DOCK10: variants seen among roughly 807,000 people sequenced by gnomAD.
DOCK10 encodes the protein dedicator of cytokinesis protein 10.
In DOCK10, 145 loss-of-function variants were observed where a neutral mutation model predicts 280.1. The observed-to-expected ratio is 0.52, with a 90% CI of 0.45 to 0.59. The LOEUF (loss-of-function observed/expected upper bound fraction) is 0.59. Ranked by LOEUF, DOCK10 falls within the 20% of genes least tolerant of loss-of-function variation. The pLI is 0.00. For missense variants in DOCK10, 2,368 were observed against 2,651.7 expected, an observed-to-expected ratio of 0.89 and a Z score of 2.35; for synonymous variants, 915 against 942.2, an observed-to-expected ratio of 0.97 and a Z score of 0.53.
intron 27 of DOCK10, among the ~76,000 whole-genome samples, chr2:224,828,863 A>G (rs1014507722): frequency 6.6e-6 from 1 of 152,216 alleles, no homozygotes; most frequent in Admixed American, 6.5e-5. Context: ...GTGGTACATC[A>G]TATTAACAAA....
chr2:224,852,644 G>C (rs571825233), intron 17 of DOCK10, among the ~76,000 whole-genome samples: 20 of 152,270 alleles, frequency 1.3e-4, no homozygotes, highest in African/African-American at 4.6e-4. Flanking sequence ...AGCTCATATT[G>C]AAAGGGGGCA....
intron 1 of DOCK10, among the ~76,000 whole-genome samples, chr2:224,954,313 G>GA (rs113022551): frequency 1.3e-5 from 2 of 151,944 alleles, no homozygotes; most frequent in African/African-American, 2.4e-5. Flanking sequence ...TCCATTTCCA[G>GA]AAAAAAATTA....
chr2:224,799,220 T>C (rs889853536), intron 41 of DOCK10, among the ~76,000 whole-genome samples: 8 of 152,232 alleles, frequency 5.3e-5, no homozygotes, highest in African/African-American at 1.9e-4. Flanking sequence ...TTTGTTCCTA[T>C]AGTTTGCATT....
chr2:224,944,331 C>T (rs1703272552), intron 1 of DOCK10, among the ~76,000 whole-genome samples: 1 of 152,182 alleles, frequency 6.6e-6, no homozygotes, highest in African/African-American at 2.4e-5. Context: ...CTGCTGAAGG[C>T]ACTAGAAAGA....
At chr2:224,966,475 T>G (rs1320473541) in intron 1 of DOCK10, among the ~76,000 whole-genome samples, 1 of 152,204 alleles carries the variant, frequency 6.6e-6, no homozygotes, top group Non-Finnish European at 1.5e-5. Flanking sequence ...TTTCTTCTTT[T>G]ATGCATGCGT....
intron 51 of DOCK10, among the ~76,000 whole-genome samples, chr2:224,777,448 A>G (rs1483106742): frequency 3.3e-5 from 5 of 152,202 alleles, no homozygotes; most frequent in Non-Finnish European, 7.3e-5. Flanking sequence ...TGGAAGGATT[A>G]GACTGGCTAA....
chr2:224,911,933 C>T (rs1302846706), intron 3 of DOCK10, among the ~76,000 whole-genome samples: 1 of 152,098 alleles, frequency 6.6e-6, no homozygotes, highest in African/African-American at 2.4e-5. Context: ...CAGATGGAAT[C>T]CTAAAGCAAG....
rs1701345556 is a variant in DOCK10, at chr2:224,916,679, G to A, written c.333+16C>T. On this transcript the variant is annotated intron_variant, in intron 3 of 55. Transcript: ENST00000258390. ...GCAAAAGCCTTAAAATAAAGCATTG[G>A]AAGCATCACATTTACCTCCTTAACC... The A allele has an allele frequency of 6.3e-7, 1 of 1,581,072 alleles. No homozygotes were observed. The highest frequency in any genetic ancestry group is 1.3e-5 in the African/African-American group (1 of 74,212).
At chr2:224,960,553 A>C (rs1014829988) in intron 1 of DOCK10, among the ~76,000 whole-genome samples, 12 of 152,122 alleles carry the variant, frequency 7.9e-5, no homozygotes, top group African/African-American at 2.4e-4. Flanking sequence ...TGTCCTTTCA[A>C]GGGCCAAAAA....
chr2:224,787,285 CGTT>C lies in DOCK10; in HGVS notation c.5528_5530del (p.Gln1843del). ...GGTTGGAATACATACTTTGAAGTCT[CGTT>C]GTTTCTCAAAGACAGCAATGATGGG... On this transcript the variant is annotated inframe_deletion, in exon 49 of 56. Coordinates refer to ENST00000258390, the MANE Select transcript of DOCK10 (RefSeq NM_014689.3). The C allele has an allele frequency of 6.2e-7, 1 of 1,613,884 alleles. No individual in the cohort carries two copies. Among genetic ancestry groups the C allele is most frequent in the Non-Finnish European group, 8.5e-7 (1 of 1,179,840 alleles).
intron 45 of DOCK10, among the ~76,000 whole-genome samples, chr2:224,793,898 G>A (rs1692377083): frequency 4.0e-5 from 6 of 151,708 alleles, no homozygotes; most frequent in Admixed American, 3.9e-4. Flanking sequence ...CTTTAAAATG[G>A]TCACCTCACG....
rs1286063238 is a variant in DOCK10 at position 224,856,838 on chromosome 2, CGA to C, written c.1808+20_1808+21del. 3 of 1,579,460 alleles carry C rather than the reference CGA, an allele frequency of 1.9e-6. No homozygotes were observed. The African/African-American group carries it at 4.1e-5, about 21-fold the overall frequency. On this transcript the variant is annotated intron_variant, in intron 15 of 55. Coordinates refer to ENST00000258390, the MANE Select transcript of DOCK10 (RefSeq NM_014689.3). Reference sequence around the variant, plus strand: ...CAACATGGCTGATTTATGTTAATTTCGAGAGTATAAAAAAAACATACCTTCTA... The same window carrying C: ...CAACATGGCTGATTTATGTTAATTTCGAGTATAAAAAAAACATACCTTCTA...
rs1312420408 is a variant in DOCK10 at position 224,852,912 on chromosome 2, T to C, written c.2076+23A>G. The C allele has an allele frequency of 2.0e-6, 3 of 1,531,902 alleles. No homozygotes were observed. The East Asian group carries it at 6.8e-5, about 35-fold the overall frequency. The allele number at this position is 1,531,902 out of a possible 1,614,324, so 94.9% of individuals were successfully genotyped here. The stretch of plus-strand genomic sequence containing the variant: ...TAAATACGGTGAAAAGAAAAGATGA[T>C]ATCTCTGGAACTTATATCATACCTT... On this transcript the variant is annotated intron_variant, in intron 17 of 55. Coordinates refer to ENST00000258390, the MANE Select transcript of DOCK10 (RefSeq NM_014689.3).
At chr2:224,830,334 C>T (rs948073250) in intron 27 of DOCK10, among the ~76,000 whole-genome samples, 1 of 152,202 alleles carries the variant, frequency 6.6e-6, no homozygotes, top group Admixed American at 6.6e-5. Context: ...ACATCTTTTG[C>T]ACTTCCAATA....
chr2:224,770,592 T>C lies in DOCK10; in HGVS notation c.6258A>G (p.Ala2086=). 6.2e-7 allele frequency: 1 copy of C among 1,614,032 alleles called. No homozygotes were observed. Among genetic ancestry groups the C allele is most frequent in the South Asian group, 1.1e-5 (1 of 91,088 alleles). ...TTACTTGGTTGTCAGGGTACTTCTT[T>C]GCATTGGTTTCTTCAAGAAAAGCTC... The part of the protein sequence containing the change: ...YARAFLEETN[A]KKYPDNQVKL... Residue 2086 remains alanine (A), a synonymous_variant, in exon 54 of 56, where the codon GCA becomes GCG. Coordinates refer to ENST00000258390, the MANE Select transcript of DOCK10 (RefSeq NM_014689.3). The surrounding 1 kb of genome is among the most constrained non-coding windows in gnomAD (Gnocchi z 4.5).
At chr2:225,011,635 T>C (rs1689442812) in intron 1 of DOCK10, among the ~76,000 whole-genome samples, 1 of 152,210 alleles carries the variant, frequency 6.6e-6, no homozygotes, top group South Asian at 2.1e-4. Context: ...GTAAAGACTC[T>C]GAACTTTAGC....
intron 11 of DOCK10, among the ~76,000 whole-genome samples, chr2:224,871,182 T>C (rs1381546865): frequency 6.6e-6 from 1 of 152,162 alleles, no homozygotes; most frequent in Non-Finnish European, 1.5e-5. Context: ...TATCTAATAG[T>C]ACCAACAAGT....
At chr2:224,949,470 C>T (rs1045012673) in intron 1 of DOCK10, among the ~76,000 whole-genome samples, 2 of 152,160 alleles carry the variant, frequency 1.3e-5, no homozygotes, top group South Asian at 4.1e-4. Flanking sequence ...AACACCTTTC[C>T]TAGTTTTAAG....
In DOCK10 at chr2:224,931,676, A is replaced by G; in HGVS notation, c.124-8T>C. The G allele has an allele frequency of 6.3e-7, 1 of 1,586,498 alleles. No homozygotes were observed. Among genetic ancestry groups the G allele is most frequent in the Non-Finnish European group, 8.6e-7 (1 of 1,165,720 alleles). ...AAGCCTAGGCTTTTCTTGCTGTAGA[A>G]AAAGAAAATATGGTATTAATCACTG... On this transcript the variant is annotated splice_region_variant and splice_polypyrimidine_tract_variant and intron_variant, in intron 1 of 55. Coordinates refer to ENST00000258390, the MANE Select transcript of DOCK10 (RefSeq NM_014689.3).
Sources: gnomAD v4.1 joint callset for allele counts (sites outside exome capture counted in the v4.1 genomes callset) on GRCh38, gnomAD v4.1.1 for gene constraint, Gnocchi (gnomAD v3.1) non-coding constraint, MANE v1.5 for transcripts, NCBI Gene and HGNC (gene_info 2026-07-23, HGNC 2026-07-21) for gene names.